The following INO80D variants were observed in gnomAD, a reference collection of about 807,000 sequenced individuals.
INO80D encodes INO80 complex subunit D.
A neutral mutation model predicts 87.6 loss-of-function variants in INO80D; 21 were observed. The observed-to-expected ratio is 0.24, with a 90% CI of 0.17 to 0.35. INO80D has a LOEUF of 0.35. INO80D is among the 10% of genes least tolerant of loss of function. The pLI is 1.00. For missense variants in INO80D, 982 were observed against 1,280.7 expected (o/e 0.77, Z 3.56); for synonymous variants, 440 against 491.0 (o/e 0.90, Z 1.37).
At chr2:206,081,915 A>G (rs1235239498) in intron 1 of INO80D, among the ~76,000 whole-genome samples, 1 of 152,212 alleles carries the variant, frequency 6.6e-6, no homozygotes, top group Non-Finnish European at 1.5e-5. Flanking sequence ...AAGAAACCAA[A>G]GACTAAATAA....
intron 8 of INO80D, among the ~76,000 whole-genome samples, chr2:206,010,211 T>A (rs1257591762): frequency 1.3e-5 from 2 of 151,898 alleles, no homozygotes; most frequent in Non-Finnish European, 2.9e-5. Flanking sequence ...CAGCAGGGCA[T>A]AAAATTAATA....
At chr2:206,048,593 T>G (rs1035972963) in intron 4 of INO80D, among the ~76,000 whole-genome samples, 4 of 152,174 alleles carry the variant, frequency 2.6e-5, no homozygotes, top group Non-Finnish European at 5.9e-5. Context: ...GTTTTACCCT[T>G]TTAAAAGTCT....
At chr2:206,084,208 CAT>C (rs780232561) in intron 1 of INO80D, among the ~76,000 whole-genome samples, 9 of 145,020 alleles carry the variant, frequency 6.2e-5, no homozygotes, top group East Asian at 3.9e-4. Context: ...TATACATACA[CAT>C]ATATTTTTTT....
chr2:206,058,495 G>A (rs1022328226), intron 3 of INO80D, among the ~76,000 whole-genome samples: 30 of 151,818 alleles, frequency 2.0e-4, no homozygotes, highest in African/African-American at 7.3e-4. Flanking sequence ...AGCACTTTGG[G>A]AGGCCAAGAC....
rs181289484 is a variant in INO80D, at chr2:206,054,041, T to C, written c.964+2157A>G. ...TTTTAGTAGAGACAGGGTTTTGCCA[T>C]ATTGGCCAGGCTGGTCTCGAACTCC... On this transcript the variant is annotated intron_variant, in intron 4 of 10. Coordinates refer to ENST00000403263, the MANE Select transcript of INO80D (RefSeq NM_017759.5). Among the ~76,000 whole-genome samples the C allele has an allele frequency of 3.8e-4, 58 of 152,216 alleles. No homozygotes were observed. The East Asian group carries it at 0.011, about 29-fold the overall frequency.
chr2:206,038,121 TA>T (rs1037924693), intron 5 of INO80D, among the ~76,000 whole-genome samples: 1 of 151,964 alleles, frequency 6.6e-6, no homozygotes, highest in African/African-American at 2.4e-5. Context: ...AGAAATTGGT[TA>T]ACAGGCACAA....
intron 7 of INO80D, among the ~76,000 whole-genome samples, chr2:206,019,458 C>T (rs1178174695): frequency 1.3e-5 from 2 of 152,304 alleles, no homozygotes; most frequent in Middle Eastern, 3.4e-3. Flanking sequence ...CTACTAGGAA[C>T]CACCTGAGGG....
Position 206,004,731 on chromosome 2 carries a change from G to A in INO80D, c.2721C>T (p.Leu907=), listed in dbSNP as rs370091646. The A allele has an allele frequency of 1.1e-4, 177 of 1,613,850 alleles. No individual in the cohort carries two copies. The highest frequency in any genetic ancestry group is 1.3e-4 in the Non-Finnish European group (154 of 1,179,890). Residue 907 remains leucine (L), a synonymous_variant, in exon 11 of 11, where the codon CTC becomes CTT. Coordinates refer to ENST00000403263, the MANE Select transcript of INO80D (RefSeq NM_017759.5). The surrounding 1 kb of genome is among the most constrained non-coding windows in gnomAD (Gnocchi z 4.9). ...LGDPSPFSNL[L]GADGHLLSTS... ...TGGAAAGAAGATGTCCATCTGCGCC[G>A]AGAAGGTTGCTAAATGGAGAGGGGT...
chr2:206,064,382 A>G (rs1158280002), intron 1 of INO80D, among the ~76,000 whole-genome samples: 1 of 152,174 alleles, frequency 6.6e-6, no homozygotes, highest in East Asian at 1.9e-4. Flanking sequence ...CCTCTTCCAC[A>G]CTTCCAGCCA....
chr2:206,039,841 GA>G (rs1258663911), intron 5 of INO80D, among the ~76,000 whole-genome samples: 3 of 145,632 alleles, frequency 2.1e-5, no homozygotes, highest in East Asian at 2.0e-4. Context: ...AAGAAAGAAA[GA>G]AAAAATATTA....
chr2:206,028,983 G>A (rs1473625098), intron 5 of INO80D, among the ~76,000 whole-genome samples: 1 of 151,886 alleles, frequency 6.6e-6, no homozygotes, highest in Non-Finnish European at 1.5e-5. Flanking sequence ...CATCTCCTGG[G>A]TTCACGCCAT....
At chr2:206,081,730 C>T (rs1388328343) in intron 1 of INO80D, among the ~76,000 whole-genome samples, 1 of 145,982 alleles carries the variant, frequency 6.9e-6, no homozygotes, top group Non-Finnish European at 1.5e-5. Context: ...GTACTCCAGG[C>T]TCGACAACAG....
At position 206,005,534 on chromosome 2, in the gene INO80D, CT is replaced by C; in HGVS notation, c.1919-2del. On this transcript the variant is annotated splice_acceptor_variant, in intron 10 of 10. Coordinates refer to ENST00000403263, the MANE Select transcript of INO80D (RefSeq NM_017759.5). LOFTEE classifies it high-confidence loss of function. Reference sequence around the variant, plus strand: ...GTTGGGAGGAGGTCTCCATTCTTCCCTGAGTCAACAAAAGCCATCGACAATC... The same window carrying C: ...GTTGGGAGGAGGTCTCCATTCTTCCCGAGTCAACAAAAGCCATCGACAATC... The C allele has an allele frequency of 6.2e-7, 1 of 1,606,580 alleles. No homozygotes were observed. The highest frequency in any genetic ancestry group is 8.5e-7 in the Non-Finnish European group (1 of 1,177,376).
intron 4 of INO80D, among the ~76,000 whole-genome samples, chr2:206,050,416 C>T (rs565710854): frequency 1.5e-4 from 21 of 141,830 alleles, no homozygotes; most frequent in African/African-American, 5.0e-4. Context: ...CGCTTGAACC[C>T]GGGAGGCGGA....
chr2:206,021,552 C>T (rs2105821104), intron 6 of INO80D, among the ~76,000 whole-genome samples: 1 of 152,338 alleles, frequency 6.6e-6, no homozygotes, highest in East Asian at 1.9e-4. Flanking sequence ...ACTATTCTGG[C>T]AGCTAAGCTC....
chr2:206,029,930 A>G (rs1559442389), intron 5 of INO80D, among the ~76,000 whole-genome samples: 1 of 152,256 alleles, frequency 6.6e-6, no homozygotes, highest in Non-Finnish European at 1.5e-5. Context: ...ACCACAAATC[A>G]GAAAAATCTG....
At chr2:206,070,357 G>A (rs1689928666) in intron 1 of INO80D, among the ~76,000 whole-genome samples, 1 of 151,930 alleles carries the variant, frequency 6.6e-6, no homozygotes, top group Non-Finnish European at 1.5e-5. Flanking sequence ...CTGAGAGGTC[G>A]AGGCTACAGT....
At chr2:206,063,506 C>T (rs1449122693) in intron 1 of INO80D, 1 of 158,830 alleles carries the variant, frequency 6.3e-6, no homozygotes, top group African/African-American at 2.4e-5. Context: ...CCAGCCTGGC[C>T]AAAATGGCGA....
chr2:206,065,638 C>A (rs1274631058), intron 1 of INO80D, among the ~76,000 whole-genome samples: 1 of 151,968 alleles, frequency 6.6e-6, no homozygotes. Context: ...AACTATTGAA[C>A]CAACAAGGGA....
Sources: gnomAD v4.1 joint callset for allele counts (sites outside exome capture counted in the v4.1 genomes callset) on GRCh38, gnomAD v4.1.1 for gene constraint, Gnocchi (gnomAD v3.1) non-coding constraint, MANE v1.5 for transcripts, NCBI Gene and HGNC (gene_info 2026-07-23, HGNC 2026-07-21) for gene names.